Variants in SNTG1 observed in about 807,000 individuals in gnomAD.
The protein encoded by SNTG1 is gamma-1-syntrophin.
SNTG1 carries 39 observed loss-of-function variants against 74.7 expected under a neutral mutation model. The ratio of observed to expected loss-of-function variants is 0.52; its 90% CI spans 0.40 to 0.68. The LOEUF is 0.68. Ranked by LOEUF, SNTG1 falls within the 30% of genes least tolerant of loss-of-function variation. SNTG1 has a pLI of 0.00. For synonymous variants in SNTG1, 254 were observed against 217.1 expected (o/e 1.17, Z -1.49); for missense variants, 685 against 609.5 (o/e 1.12, Z -1.30).
At chr8:50,735,358 G>T (rs1456527928) in intron 17 of SNTG1, among the ~76,000 whole-genome samples, 1 of 151,750 alleles carries the variant, frequency 6.6e-6, no homozygotes, top group African/African-American at 2.4e-5. Context: ...CCAATGAAAG[G>T]AAGCTAAGAA....
intron 1 of SNTG1, among the ~76,000 whole-genome samples, chr8:50,113,007 A>G (rs2080662509): frequency 6.6e-6 from 1 of 152,116 alleles, no homozygotes; most frequent in South Asian, 2.1e-4. Flanking sequence ...CCTGTAGTAT[A>G]GTTTGAAGTC....
At chr8:50,461,018 G>C (rs1023218725) in intron 8 of SNTG1, among the ~76,000 whole-genome samples, 10 of 151,598 alleles carry the variant, frequency 6.6e-5, no homozygotes, top group Admixed American at 4.6e-4. Flanking sequence ...CCTCTTACAG[G>C]ATCCCATCAG....
At chr8:50,453,324 C>T (rs1321195194) in intron 8 of SNTG1, among the ~76,000 whole-genome samples, 1 of 152,154 alleles carries the variant, frequency 6.6e-6, no homozygotes, top group African/African-American at 2.4e-5. Flanking sequence ...GCATTTACAT[C>T]TACTGTATAT....
chr8:50,376,029 A>C (rs763248535), intron 2 of SNTG1, among the ~76,000 whole-genome samples: 1 of 140,156 alleles, frequency 7.1e-6, no homozygotes, highest in East Asian at 2.0e-4. Context: ...TGAAAGTCTA[A>C]AGATATTTCC....
chr8:50,300,359 T>C (rs985078198), intron 2 of SNTG1, among the ~76,000 whole-genome samples: 1 of 152,132 alleles, frequency 6.6e-6, no homozygotes, highest in Non-Finnish European at 1.5e-5. Flanking sequence ...CACAAATTCG[T>C]TTGATTCATG....
intron 2 of SNTG1, among the ~76,000 whole-genome samples, chr8:50,243,556 T>A (rs957373465): frequency 1.3e-5 from 2 of 152,184 alleles, no homozygotes; most frequent in Non-Finnish European, 2.9e-5. Flanking sequence ...TGGATACCAC[T>A]GATTAACCAT....
chr8:50,254,712 G>A (rs2086796455), intron 2 of SNTG1, among the ~76,000 whole-genome samples: 1 of 152,044 alleles, frequency 6.6e-6, no homozygotes, highest in African/African-American at 2.4e-5. Flanking sequence ...CGGGCGTGGT[G>A]ATGCGTGCCT....
At chr8:50,049,883 AT>A (rs1819421809) in intron 1 of SNTG1, among the ~76,000 whole-genome samples, 1 of 152,082 alleles carries the variant, frequency 6.6e-6, no homozygotes, top group African/African-American at 2.4e-5. Context: ...CTCAGGAGAA[AT>A]TTAAAAATAT....
intron 2 of SNTG1, among the ~76,000 whole-genome samples, chr8:50,333,200 A>C (rs564995289): frequency 6.6e-6 from 1 of 152,358 alleles, no homozygotes; most frequent in South Asian, 2.1e-4. Context: ...ACAATAACTT[A>C]ACCTCTCTGA....
rs142754906 is a variant in SNTG1 at position 50,170,031 on chromosome 8, C to T, written c.-102-2530C>T. On this transcript the variant is annotated intron_variant, in intron 1 of 18. Coordinates refer to ENST00000642720, the MANE Select transcript of SNTG1 (RefSeq NM_018967.5). Reference sequence around the variant, plus strand: ...ATATGTAAACAGAAGACTCATCTAGCCATTGAACTTCCTTTCCCTTTTTGC... The same window carrying T: ...ATATGTAAACAGAAGACTCATCTAGTCATTGAACTTCCTTTCCCTTTTTGC... Among the ~76,000 whole-genome samples, 64 of 152,250 alleles carry T rather than the reference C, an allele frequency of 4.2e-4. 1 individual carries two copies. In the South Asian group the frequency reaches 8.1e-3, roughly 19 times the overall value.
chr8:50,699,693 G>C (rs1348527191), intron 15 of SNTG1, among the ~76,000 whole-genome samples: 1 of 152,062 alleles, frequency 6.6e-6, no homozygotes. Context: ...ATACTTTCCA[G>C]TTGGCAAAAA....
At chr8:49,961,221 T>C (rs1404711541) in intron 1 of SNTG1, among the ~76,000 whole-genome samples, 4 of 152,218 alleles carry the variant, frequency 2.6e-5, no homozygotes. Context: ...AATAAATTTC[T>C]ATTCATTGTT....
intron 18 of SNTG1, among the ~76,000 whole-genome samples, chr8:50,786,791 C>A (rs2095676681): frequency 6.6e-6 from 1 of 151,760 alleles, no homozygotes; most frequent in African/African-American, 2.4e-5. Flanking sequence ...TTATTGAATC[C>A]AAAAAATTAA....
intron 8 of SNTG1, among the ~76,000 whole-genome samples, chr8:50,487,040 G>T (rs561159214): frequency 3.9e-5 from 6 of 152,264 alleles, no homozygotes; most frequent in South Asian, 4.1e-4. Flanking sequence ...ATGTGCTGCT[G>T]GATTCGGTTT....
intron 1 of SNTG1, among the ~76,000 whole-genome samples, chr8:50,019,723 A>G (rs2130659412): frequency 6.6e-6 from 1 of 152,190 alleles, no homozygotes; most frequent in African/African-American, 2.4e-5. Context: ...AGGAAATGTT[A>G]AGAGTAGAGA....
chr8:49,931,527 C>A (rs1230483135), intron 1 of SNTG1, among the ~76,000 whole-genome samples: 2 of 152,104 alleles, frequency 1.3e-5, no homozygotes, highest in African/African-American at 2.4e-5. Context: ...ATGCAGCAAA[C>A]CTGCACATGT....
chr8:50,673,432 G>T (rs960549664), intron 15 of SNTG1, among the ~76,000 whole-genome samples: 3 of 151,992 alleles, frequency 2.0e-5, no homozygotes, highest in Admixed American at 1.3e-4. Context: ...TATTCTCTTT[G>T]TAGCCATTGT....
intron 2 of SNTG1, among the ~76,000 whole-genome samples, chr8:50,242,330 A>T (rs927475594): frequency 6.6e-6 from 1 of 151,832 alleles, no homozygotes; most frequent in Non-Finnish European, 1.5e-5. Flanking sequence ...GGAGTTCAAG[A>T]TCAGCCTGGT....
At chr8:50,005,207 T>A (rs149282955) in intron 1 of SNTG1, among the ~76,000 whole-genome samples, 1 of 152,144 alleles carries the variant, frequency 6.6e-6, no homozygotes. Flanking sequence ...AAAATATACA[T>A]TCTAAACTAG....
Sources: gnomAD v4.1 joint callset for allele counts (sites outside exome capture counted in the v4.1 genomes callset) on GRCh38, gnomAD v4.1.1 for gene constraint, MANE v1.5 for transcripts, NCBI Gene and HGNC (gene_info 2026-07-23, HGNC 2026-07-21) for gene names.